The following PDE9A variants were observed in gnomAD, a reference collection of about 807,000 sequenced individuals.
PDE9A encodes phosphodiesterase 9A.
In PDE9A, 60 loss-of-function variants were observed where a neutral mutation model predicts 87.4. The observed-to-expected ratio is 0.69, with a 90% confidence interval of 0.56 to 0.85. The LOEUF is 0.85. PDE9A is among the 40% of genes least tolerant of loss of function. The probability of loss-of-function intolerance (pLI) is 0.00; values close to 1 mark genes in which losing one functional copy is unlikely to be tolerated. For synonymous variants in PDE9A, 272 were observed against 279.4 expected, an observed-to-expected ratio of 0.97 and a Z score of 0.27; for missense variants, 665 against 779.0, an observed-to-expected ratio of 0.85 and a Z score of 1.74.
chr21:42,734,126 T>C (rs1427970381), intron 7 of PDE9A: 2 of 151,994 alleles, frequency 1.3e-5, no homozygotes, highest in Non-Finnish European at 2.9e-5. Flanking sequence ...CCCACAGAAC[T>C]GGGAGCCAAT....
intron 7 of PDE9A, chr21:42,734,174 A>T (rs2052137524): frequency 1.3e-5 from 2 of 152,098 alleles, no homozygotes. Context: ...AGCCTCAGGT[A>T]TCTCTTTATA....
rs188287683 is a variant in PDE9A, at chr21:42,688,334, C to T, written c.218+340C>T. Among the ~76,000 whole-genome samples, 939 of 152,094 alleles carry T rather than the reference C, an allele frequency of 6.2e-3. 2 individuals are homozygous for T. The highest frequency in any genetic ancestry group is 9.7e-3 in the African/African-American group (401 of 41,506). On this transcript the variant is annotated intron_variant, in intron 3 of 19. Transcript: ENST00000291539. ...CCCACATTAACCCCAGGAAGGACCT[C>T]GGGAGATTCCCTACAGAGCCCCTGG...
chr21:42,711,009 T>C (rs1186340218), intron 4 of PDE9A, among the ~76,000 whole-genome samples: 3 of 152,146 alleles, frequency 2.0e-5, no homozygotes, highest in Admixed American at 6.6e-5. Flanking sequence ...GTAAAAAGGA[T>C]TTTGCTCATT....
At position 42,659,626 on chromosome 21, in the gene PDE9A, G is replaced by A. The variant is rs374160521; in HGVS notation, c.69+5743G>A. On this transcript the variant is annotated intron_variant, in intron 1 of 19. Transcript: ENST00000291539. The surrounding 1 kb of genome is among the most constrained non-coding windows in gnomAD (Gnocchi z 4.1). ...CTCTCATCCTGGACCCATCAGCCCG[G>A]AAGACTCTGGAAGCAGCAGTGGCAG... Among the ~76,000 whole-genome samples, 1 of 152,228 alleles carries A rather than the reference G, an allele frequency of 6.6e-6. No individual in the cohort carries two copies. Among genetic ancestry groups the A allele is most frequent in the South Asian group, 2.1e-4 (1 of 4,834 alleles).
chr21:42,714,169 C>A (rs896968688), intron 4 of PDE9A, among the ~76,000 whole-genome samples: 4 of 151,976 alleles, frequency 2.6e-5, no homozygotes, highest in African/African-American at 9.7e-5. Flanking sequence ...CAGGCGCCCA[C>A]CACCGTGCCT....
At chr21:42,686,318 C>T (rs1210439461) in intron 2 of PDE9A, 56 bp downstream of exon 2, 1 of 1,445,162 alleles carries the variant, frequency 6.9e-7, no homozygotes, top group Non-Finnish European at 9.7e-7. Flanking sequence ...CTCGCCTTTT[C>T]GGGATGGCTG....
At position 42,692,657 on chromosome 21, in the gene PDE9A, C is replaced by G. The variant is rs1230572157; in HGVS notation, c.218+4663C>G. 6.6e-6 allele frequency among the ~76,000 whole-genome samples: 1 copy of G among 152,120 alleles called. No individual in the cohort carries two copies. The highest frequency in any genetic ancestry group is 2.4e-5 in the African/African-American group (1 of 41,416). On this transcript the variant is annotated intron_variant, in intron 3 of 19. Coordinates refer to ENST00000291539, the MANE Select transcript of PDE9A (RefSeq NM_002606.3). This position sits in a 1 kb window ranked among gnomAD's most constrained non-coding sequence, Gnocchi z 4.3. ...TTCCCAGTGAGGAGGACGAGGCTGG[C>G]CCGGGACACGCCACTGATGCTCTTC...
intron 4 of PDE9A, among the ~76,000 whole-genome samples, chr21:42,699,560 TTTTTTTTAAAA>T (rs771176196): frequency 0.013 from 1,334 of 103,008 alleles, 12 homozygotes; most frequent in African/African-American, 0.06. Context: ...TTTTCTTTTT[TTTTTTTTAAAA>T]AAAAACGGAG....
chr21:42,749,193 A>C (rs1321582551), intron 8 of PDE9A, among the ~76,000 whole-genome samples: 1 of 152,210 alleles, frequency 6.6e-6, no homozygotes, highest in Non-Finnish European at 1.5e-5. Flanking sequence ...GAATTTCTAT[A>C]TGGCTCTTAC....
rs1021404501 is a variant in PDE9A, at chr21:42,706,655, A to C, written c.262+7644A>C. On this transcript the variant is annotated intron_variant, in intron 4 of 19. Transcript: ENST00000291539. ...TGAGACTCTATCTCAAAAAAAAAAA[A>C]ATTGTACAACCTCAGTCTTTTTTAG... Among the ~76,000 whole-genome samples the C allele has an allele frequency of 4.6e-5, 7 of 152,132 alleles. No individual in the cohort carries two copies. The East Asian group carries it at 1.4e-3, about 29-fold the overall frequency.
intron 19 of PDE9A, among the ~76,000 whole-genome samples, chr21:42,773,079 T>G (rs2057162062): frequency 6.6e-6 from 1 of 150,384 alleles, no homozygotes; most frequent in Admixed American, 6.6e-5. Context: ...TTGGCCAACA[T>G]GGTGAAACCC....
At position 42,687,951 on chromosome 21, in the gene PDE9A, G is replaced by T. The variant is rs752094010; in HGVS notation, c.175G>T (p.Ala59Ser). 2.5e-6 allele frequency: 4 copies of T among 1,613,020 alleles called. No homozygotes were observed. The highest frequency in any genetic ancestry group is 4.5e-5 in the East Asian group (2 of 44,892). ...CATCTCCCTGCTGACCACCGACGAC[G>T]CCATGGTCTCCATCGACCCCACCAT... The part of the protein sequence containing the change: ...TTISLLTTDD[A>S]MVSIDPTMPA... Residue 59 changes from alanine to serine, a missense_variant, in exon 3 of 20, where the codon GCC becomes TCC. Coordinates refer to ENST00000291539, the MANE Select transcript of PDE9A (RefSeq NM_002606.3).
chr21:42,769,652 A>ACTC (rs2056817521), intron 17 of PDE9A, among the ~76,000 whole-genome samples: 1 of 45,040 alleles, frequency 2.2e-5, no homozygotes, highest in African/African-American at 1.6e-4. Context: ...AGGGACACAC[A>ACTC]GGCACACATA....
chr21:42,680,015 C>T (rs1235786877), intron 1 of PDE9A, among the ~76,000 whole-genome samples: 1 of 152,210 alleles, frequency 6.6e-6, no homozygotes, highest in Non-Finnish European at 1.5e-5. Context: ...GCTGAGAGGT[C>T]TTCAGAAAAA....
At chr21:42,662,630 C>A in intron 1 of PDE9A, among the ~76,000 whole-genome samples, 1 of 139,444 alleles carries the variant, frequency 7.2e-6, no homozygotes, top group Non-Finnish European at 1.5e-5. Context: ...CACCACACAC[C>A]ACACACACGC....
intron 3 of PDE9A, among the ~76,000 whole-genome samples, chr21:42,698,243 C>G (rs1193053804): frequency 1.3e-5 from 2 of 152,234 alleles, no homozygotes; most frequent in African/African-American, 2.4e-5. Flanking sequence ...TGTAGCACCT[C>G]TCTTACCAGG....
chr21:42,731,995 G>A lies in PDE9A; in HGVS notation c.442+46G>A, dbSNP rs756782763. The stretch of plus-strand genomic sequence containing the variant: ...CACAGCCTCCACCCCCCAACACGTG[G>A]GATTCGGGCTGCAATGGCCTACACA... On this transcript the variant is annotated intron_variant, in intron 5 of 19. Coordinates refer to ENST00000291539, the MANE Select transcript of PDE9A (RefSeq NM_002606.3). The A allele has an allele frequency of 2.5e-6, 4 of 1,612,238 alleles. No homozygotes were observed. In the East Asian group the frequency reaches 6.7e-5, roughly 27 times the overall value.
intron 1 of PDE9A, among the ~76,000 whole-genome samples, chr21:42,670,097 ACT>A (rs530323031): frequency 8.6e-5 from 13 of 151,974 alleles, no homozygotes; most frequent in Non-Finnish European, 1.3e-4. Flanking sequence ...ATTCTCATAC[ACT>A]CACACATATG....
chr21:42,747,231 G>A (rs2053949520), intron 8 of PDE9A, among the ~76,000 whole-genome samples: 1 of 151,736 alleles, frequency 6.6e-6, no homozygotes, highest in Non-Finnish European at 1.5e-5. Flanking sequence ...TGAGAGCCCT[G>A]TAGCAATGTG....
Sources: gnomAD v4.1 joint callset for allele counts (sites outside exome capture counted in the v4.1 genomes callset) on GRCh38, gnomAD v4.1.1 for gene constraint, Gnocchi (gnomAD v3.1) non-coding constraint, MANE v1.5 for transcripts, NCBI Gene and HGNC (gene_info 2026-07-23, HGNC 2026-07-21) for gene names.